Variants in EIF3K observed in about 807,000 individuals in gnomAD.
EIF3K encodes eIF-3 p28.
A neutral mutation model predicts 34.2 loss-of-function variants in EIF3K; 27 were observed. The ratio of observed to expected loss-of-function variants is 0.79; its 90% CI spans 0.58 to 1.09. The LOEUF is 1.09. Among genes scored for constraint, EIF3K ranks in the 50% least tolerant of loss-of-function variants. The probability of loss-of-function intolerance (pLI) is 0.00; values close to 1 mark genes in which losing one functional copy is unlikely to be tolerated. For missense variants in EIF3K, 232 were observed against 275.4 expected, an observed-to-expected ratio of 0.84 and a Z score of 1.11; for synonymous variants, 105 against 105.7, an observed-to-expected ratio of 0.99 and a Z score of 0.04.
intron 3 of EIF3K, among the ~76,000 whole-genome samples, chr19:38,625,524 T>C (rs1192433405): frequency 2.0e-5 from 3 of 151,788 alleles, no homozygotes; most frequent in African/African-American, 7.3e-5. Context: ...TTTTCTTTTT[T>C]TTTGAGATGG....
chr19:38,624,190 A>T lies in EIF3K; in HGVS notation c.272A>T (p.Gln91Leu). The stretch of plus-strand genomic sequence containing the variant: ...ACCCTGTGCAAGTGCATGATCGACC[A>T]GGCACATGTATCCTTCCAGCACTGG... ...DFTLCKCMIDQAHQEERPIRQ... is the reference protein window; with the variant it reads ...DFTLCKCMIDLAHQEERPIRQ... Residue 91 changes from glutamine to leucine, a missense_variant, in exon 3 of 8, where the codon CAG (glutamine) becomes CTG (leucine). Coordinates refer to ENST00000248342, the MANE Select transcript of EIF3K (RefSeq NM_013234.4). 6.2e-7 allele frequency: 1 copy of T among 1,614,160 alleles called. No individual in the cohort carries two copies. Among genetic ancestry groups the T allele is most frequent in the Non-Finnish European group, 8.5e-7 (1 of 1,180,000 alleles).
At chr19:38,622,544 C>T (rs528892263) in intron 2 of EIF3K, among the ~76,000 whole-genome samples, 3 of 152,290 alleles carry the variant, frequency 2.0e-5, no homozygotes, top group Admixed American at 2.0e-4. Context: ...GATCACAGGA[C>T]CACAGGATCA....
At chr19:38,630,061 T>G (rs1275404152) in intron 4 of EIF3K, among the ~76,000 whole-genome samples, 4 of 152,086 alleles carry the variant, frequency 2.6e-5, no homozygotes, top group African/African-American at 4.8e-5. Flanking sequence ...GCTGCCCTGG[T>G]CTCCTCATCT....
rs1479013550 is a variant in EIF3K at position 38,626,099 on chromosome 19, CT to C, written c.352del (p.Trp118GlyfsTer14). ...LLETCHFQAF[W>X]QALDENMDLL... ...TGGAGACCTGCCATTTCCAGGCCTT[CT>C]GGGTAACTTCCCTGGGGTCCAGGGG... is the stretch of plus-strand genomic sequence containing the variant. On this transcript the variant is annotated frameshift_variant and splice_region_variant, in exon 4 of 8. Transcript: ENST00000248342. LOFTEE classifies it high-confidence loss of function. The C allele has an allele frequency of 6.2e-7, 1 of 1,614,002 alleles. No homozygotes were observed. The highest frequency in any genetic ancestry group is 1.3e-5 in the African/African-American group (1 of 74,914).
At chr19:38,635,294 G>A (rs1976166256) in intron 7 of EIF3K, 176 bp downstream of exon 7, 1 of 882,736 alleles carries the variant, frequency 1.1e-6, no homozygotes, top group Admixed American at 2.6e-5. Context: ...AGGAATAGCG[G>A]GGAGCTGGGT....
intron 4 of EIF3K, chr19:38,632,206 A>G: frequency 3.9e-6 from 2 of 512,344 alleles, no homozygotes; most frequent in East Asian, 6.9e-5. Flanking sequence ...ACTTGAGCCC[A>G]GGAGTTTGAG....
At position 38,635,137 on chromosome 19, in the gene EIF3K, C is replaced by T; in HGVS notation, c.625+19C>T. On this transcript the variant is annotated intron_variant, in intron 7 of 7. Coordinates refer to ENST00000248342, the MANE Select transcript of EIF3K (RefSeq NM_013234.4). ...TTTGACAGTGAGTGGTGACCCACGG[C>T]CTCGGGCTTTGGGGCTAAGGGGGTG... 1.2e-6 allele frequency: 2 copies of T among 1,614,108 alleles called. No homozygotes were observed. The highest frequency in any genetic ancestry group is 1.7e-6 in the Non-Finnish European group (2 of 1,180,040).
chr19:38,626,297 G>A (rs1022529827), intron 4 of EIF3K, 195 bp downstream of exon 4: 1 of 610,700 alleles, frequency 1.6e-6, no homozygotes, highest in Admixed American at 2.8e-5. Context: ...CACAGGCTGA[G>A]GCCGACCCTT....
chr19:38,621,262 A>G (rs2144760707), intron 2 of EIF3K, among the ~76,000 whole-genome samples: 1 of 151,742 alleles, frequency 6.6e-6, no homozygotes, highest in Admixed American at 6.6e-5. Context: ...TCTCTACAAA[A>G]ATTAGCTGGG....
chr19:38,626,263 G>T, intron 4 of EIF3K, 161 bp downstream of exon 4: 1 of 690,800 alleles, frequency 1.4e-6, no homozygotes. Flanking sequence ...CGCGGAGCAG[G>T]TACTCACAGG....
intron 4 of EIF3K, among the ~76,000 whole-genome samples, chr19:38,629,869 G>C (rs992240380): frequency 1.3e-5 from 2 of 152,166 alleles, no homozygotes; most frequent in African/African-American, 4.8e-5. Context: ...AGAGGTGACA[G>C]GCAGATTCTG....
Position 38,632,627 on chromosome 19 carries a change from T to C in EIF3K, c.448T>C (p.Tyr150His). 1.2e-6 allele frequency: 2 copies of C among 1,613,996 alleles called. No individual in the cohort carries two copies. Among genetic ancestry groups the C allele is most frequent in the Non-Finnish European group, 1.7e-6 (2 of 1,179,928 alleles). The change falls in exon 6 of 8, where the codon TAC becomes CAC. Residue 150 changes from tyrosine (Y) to histidine (H), a missense_variant. By Grantham distance (83) the Tyr-to-His change is moderately conservative. Transcript: ENST00000248342. ...KFICHVVGIT[Y>H]QHIDRWLLAE... is the part of the protein sequence containing the mutation. ...TATCTGCCATGTTGTGGGTATCACTTACCAGCACATTGACCGCTGGCTGCT... is the reference window on the plus strand; with the variant it reads ...TATCTGCCATGTTGTGGGTATCACTCACCAGCACATTGACCGCTGGCTGCT...
At chr19:38,636,835 G>A in intron 7 of EIF3K, 54 bp from the exon 8 acceptor site, 1 of 1,609,048 alleles carries the variant, frequency 6.2e-7, no homozygotes, top group Non-Finnish European at 8.5e-7. Flanking sequence ...GCAGGTGGCT[G>A]GAGGTTTGTC....
At chr19:38,621,741 A>G (rs145297145) in intron 2 of EIF3K, among the ~76,000 whole-genome samples, 18 of 152,280 alleles carry the variant, frequency 1.2e-4, no homozygotes, top group African/African-American at 4.3e-4. Context: ...GCTACTCAGC[A>G]CTGGGTTTGT....
At chr19:38,628,199 C>T (rs1363585563) in intron 4 of EIF3K, among the ~76,000 whole-genome samples, 4 of 152,016 alleles carry the variant, frequency 2.6e-5, no homozygotes, top group Non-Finnish European at 5.9e-5. Flanking sequence ...CCACCACGCC[C>T]GGACCTCTGA....
At chr19:38,635,675 G>A (rs1976174500) in intron 7 of EIF3K, 1 of 155,416 alleles carries the variant, frequency 6.4e-6, no homozygotes, top group Non-Finnish European at 1.4e-5. Flanking sequence ...GGCATCATAA[G>A]TGTGAATGCA....
chr19:38,631,852 ACT>A (rs1293746483), intron 4 of EIF3K, among the ~76,000 whole-genome samples: 3 of 152,020 alleles, frequency 2.0e-5, no homozygotes, highest in East Asian at 1.9e-4. Context: ...AGTGGTGATG[ACT>A]CTCAAGGAGC....
chr19:38,624,633 G>A (rs977544234), intron 3 of EIF3K, among the ~76,000 whole-genome samples: 2 of 152,112 alleles, frequency 1.3e-5, no homozygotes, highest in African/African-American at 4.8e-5. Flanking sequence ...AGTTACTCAG[G>A]AGGCTGAGGC....
At position 38,635,293 on chromosome 19, in the gene EIF3K, G is replaced by A. The variant is rs1048845468; in HGVS notation, c.625+175G>A. The A allele has an allele frequency of 3.4e-5, 30 of 880,776 alleles. 2 individuals are homozygous for A. The highest frequency in any genetic ancestry group is 1.5e-4 in the Admixed American group (6 of 38,732). 54.6% of individuals were successfully genotyped at this position (880,776 alleles called of 1,614,324 possible). On this transcript the variant is annotated intron_variant, in intron 7 of 7. Coordinates refer to ENST00000248342, the MANE Select transcript of EIF3K (RefSeq NM_013234.4). The stretch of plus-strand genomic sequence containing the variant: ...GGGGCTCCCGCCCAGGAGGAATAGC[G>A]GGGAGCTGGGTGATCTTCCCTGGAA...
Sources: allele counts gnomAD v4.1 joint callset (sites outside exome capture counted in the v4.1 genomes callset), GRCh38; gene constraint gnomAD v4.1.1; transcripts MANE v1.5; gene names NCBI Gene and HGNC (gene_info 2026-07-23, HGNC 2026-07-21).